Variants in APPL2 observed in about 807,000 individuals in gnomAD.
APPL2 encodes adaptor protein, phosphotyrosine interacting with PH domain and leucine zipper 2.
A neutral mutation model predicts 92.7 loss-of-function variants in APPL2; 84 were observed. That is an observed-to-expected ratio of 0.91 (90% CI 0.76 to 1.09). The LOEUF (loss-of-function observed/expected upper bound fraction) is 1.09. APPL2 is among the 50% of genes least tolerant of loss of function. The pLI, the probability that APPL2 is intolerant of heterozygous loss-of-function variation, is 0.00. For synonymous variants in APPL2, 291 were observed against 291.0 expected (o/e 1.00, Z 0.00); for missense variants, 736 against 824.5 (o/e 0.89, Z 1.31).
At chr12:105,193,563 C>T (rs549119992) in intron 14 of APPL2, among the ~76,000 whole-genome samples, 12 of 152,378 alleles carry the variant, frequency 7.9e-5, no homozygotes, top group East Asian at 1.9e-4. Flanking sequence ...GAGAAGGCTA[C>T]GGGATTAACC....
At chr12:105,189,386 G>C (rs563264340) in intron 16 of APPL2, among the ~76,000 whole-genome samples, 1 of 152,158 alleles carries the variant, frequency 6.6e-6, no homozygotes, top group Non-Finnish European at 1.5e-5. Context: ...ATTTGAATTT[G>C]AAAGACTTAA....
At chr12:105,215,860 T>A (rs1438420968) in intron 4 of APPL2, among the ~76,000 whole-genome samples, 1 of 152,014 alleles carries the variant, frequency 6.6e-6, no homozygotes, top group Admixed American at 6.5e-5. Flanking sequence ...CCAAGATTTT[T>A]AGTAGGGTGA....
At chr12:105,175,981 T>G in intron 20 of APPL2, 54 bp downstream of exon 20, 1 of 1,447,932 alleles carries the variant, frequency 6.9e-7, no homozygotes, top group Admixed American at 2.6e-5. Flanking sequence ...TCTTGGTATG[T>G]GTACACAGAT....
intron 11 of APPL2, among the ~76,000 whole-genome samples, chr12:105,196,689 C>G (rs976871134): frequency 6.6e-6 from 1 of 152,280 alleles, no homozygotes; most frequent in African/African-American, 2.4e-5. Flanking sequence ...GATCCACCTG[C>G]CTCGGCCTCC....
chr12:105,203,285 T>TA (rs1404354432), intron 9 of APPL2: 1 of 158,732 alleles, frequency 6.3e-6, no homozygotes, highest in African/African-American at 2.4e-5. Context: ...AATAAGCAAA[T>TA]ACAGTTTTTA....
At chr12:105,206,631 T>C (rs550471697) in intron 8 of APPL2, among the ~76,000 whole-genome samples, 7 of 152,238 alleles carry the variant, frequency 4.6e-5, no homozygotes, top group African/African-American at 1.4e-4. Flanking sequence ...GGTGCTGGGA[T>C]CATCTAGGAG....
At chr12:105,209,062 TTTTC>T (rs1889000879) in intron 5 of APPL2, among the ~76,000 whole-genome samples, 1 of 152,172 alleles carries the variant, frequency 6.6e-6, no homozygotes, top group Non-Finnish European at 1.5e-5. Flanking sequence ...CTGCTTGCAT[TTTTC>T]TTTCTTTCTC....
intron 20 of APPL2, among the ~76,000 whole-genome samples, chr12:105,175,291 A>C (rs1885413854): frequency 6.6e-6 from 1 of 152,216 alleles, no homozygotes; most frequent in Admixed American, 6.5e-5. Flanking sequence ...ATACCATTAA[A>C]TACTAGCTTA....
chr12:105,176,075 T>A lies in APPL2; in HGVS notation c.1820A>T (p.Tyr607Phe). 1 of 1,593,246 alleles carries A rather than the reference T, an allele frequency of 6.3e-7. No homozygotes were observed. The highest frequency in any genetic ancestry group is 8.5e-7 in the Non-Finnish European group (1 of 1,173,066). ...ESNSEGEKICYAINLGKEIIE... is the reference protein window; with the variant it reads ...ESNSEGEKICFAINLGKEIIE... ...AATTTCTTTTCCCAAATTAATAGCA[T>A]AACATATCTGCAAAAGACAAGAAAA... The change falls in exon 20 of 21, where the codon TAT (tyrosine) becomes TTT (phenylalanine). Residue 607 changes from tyrosine to phenylalanine, a missense_variant. Transcript: ENST00000258530.
At chr12:105,211,161 G>GT in intron 5 of APPL2, 69 bp downstream of exon 5, 3 of 1,106,812 alleles carry the variant, frequency 2.7e-6, no homozygotes, top group Non-Finnish European at 4.1e-6. Flanking sequence ...AAGAAATGCA[G>GT]TAAGAATTAT....
At chr12:105,209,966 CT>C (rs534907811) in intron 5 of APPL2, among the ~76,000 whole-genome samples, 224 of 145,986 alleles carry the variant, frequency 1.5e-3, no homozygotes, top group Admixed American at 1.4e-3. Context: ...AATCTTCACC[CT>C]TTTTTTTTTT....
In APPL2 at chr12:105,200,864, GTATCTATCTATC is replaced by G. The variant is rs202172435; in HGVS notation, c.705-1345_705-1334del. Among the ~76,000 whole-genome samples, 202 of 135,060 alleles carry G rather than the reference GTATCTATCTATC, an allele frequency of 1.5e-3. 2 individuals are homozygous for G. Among genetic ancestry groups the G allele is most frequent in the Admixed American group, 3.1e-3 (41 of 13,374 alleles). 88.6% of individuals were successfully genotyped at this position (135,060 alleles called of 152,430 possible). A position where few individuals can be genotyped will look rare whatever the true frequency, so the allele number is the denominator to read the frequency against. On this transcript the variant is annotated intron_variant, in intron 9 of 20. Transcript: ENST00000258530. ...TGTATGTATGTATGTATGTATGTAT[GTATCTATCTATC>G]TATCTATCTATCTATCTATCTATCT...
intron 2 of APPL2, among the ~76,000 whole-genome samples, chr12:105,227,613 A>G (rs1890619528): frequency 2.0e-5 from 3 of 152,022 alleles, no homozygotes. Context: ...TTCATACCCA[A>G]TCAATCACCA....
Position 105,211,232 on chromosome 12 carries a change from G to C in APPL2, c.371C>G (p.Thr124Arg). 6.2e-7 allele frequency: 1 copy of C among 1,610,042 alleles called. No homozygotes were observed. Residue 124 changes from threonine (T) to arginine (R), a missense_variant and splice_region_variant, in exon 5 of 21, where the codon ACA (threonine) becomes AGA (arginine). By Grantham distance (71) the Thr-to-Arg change is moderately conservative. Coordinates refer to ENST00000258530, the MANE Select transcript of APPL2 (RefSeq NM_018171.5). ...PIIQFREKDL[T>R]EVSTLKDLFG... ...GGCATTGAACTCAGTTACTTTACCT[G>C]TGAGATCCTTTTCTCGGAATTGTAT...
rs558853233 is a variant in APPL2 at position 105,195,342 on chromosome 12, G to C, written c.1160C>G (p.Ala387Gly). 1.2e-6 allele frequency: 2 copies of C among 1,614,074 alleles called. No individual in the cohort carries two copies. The highest frequency in any genetic ancestry group is 2.2e-5 in the East Asian group (1 of 44,882). ...CAGAGCGGTCTGATTCAACTTGATC[G>C]CGACTGCCTAAAAATCCACAGGAAG... ...IYLTDNPEAV[A>G]IKLNQTALQA... is the part of the protein sequence containing the mutation. The change falls in exon 14 of 21, where the codon GCG becomes GGG. Residue 387 changes from alanine to glycine, a missense_variant. Transcript: ENST00000258530.
At chr12:105,189,665 T>C in intron 16 of APPL2, 107 bp downstream of exon 16, 1 of 1,254,836 alleles carries the variant, frequency 8.0e-7, no homozygotes, top group South Asian at 1.3e-5. Context: ...AAATCTTAAT[T>C]CATACTCCTA....
At chr12:105,199,990 GTTTTT>G (rs988663027) in intron 9 of APPL2, among the ~76,000 whole-genome samples, 3 of 143,416 alleles carry the variant, frequency 2.1e-5, no homozygotes, top group Non-Finnish European at 3.1e-5. Flanking sequence ...GGCTAATTTT[GTTTTT>G]TTTTTTTTTT....
At chr12:105,218,894 G>A (rs1258134487) in intron 2 of APPL2, among the ~76,000 whole-genome samples, 3 of 152,210 alleles carry the variant, frequency 2.0e-5, no homozygotes, top group Admixed American at 6.5e-5. Context: ...TCACCAGCCC[G>A]TACTGCTCAT....
chr12:105,220,667 G>A (rs979828040), intron 2 of APPL2, among the ~76,000 whole-genome samples: 4 of 152,116 alleles, frequency 2.6e-5, no homozygotes, highest in Non-Finnish European at 5.9e-5. Context: ...AGGGACCATG[G>A]GCCACTCAAG....
Sources: gnomAD v4.1 joint callset for allele counts (sites outside exome capture counted in the v4.1 genomes callset) on GRCh38, gnomAD v4.1.1 for gene constraint, MANE v1.5 for transcripts, NCBI Gene and HGNC (gene_info 2026-07-23, HGNC 2026-07-21) for gene names.